DACH1: variants seen among roughly 807,000 people sequenced by gnomAD.
The protein encoded by DACH1 is dachshund family transcription factor 1.
In DACH1, 12 loss-of-function variants were observed where a neutral mutation model predicts 54.2. That is an observed-to-expected ratio of 0.22 (90% CI 0.14 to 0.36). DACH1 has a LOEUF of 0.36. Among genes scored for constraint, DACH1 ranks in the 10% least tolerant of loss-of-function variants. The pLI, the probability that DACH1 is intolerant of heterozygous loss-of-function variation, is 1.00. For missense variants in DACH1, 805 were observed against 929.8 expected, an observed-to-expected ratio of 0.87 and a Z score of 1.75; for synonymous variants, 386 against 366.2, an observed-to-expected ratio of 1.05 and a Z score of -0.62.
chr13:71,865,088 G>A (rs1197694604), intron 1 of DACH1, among the ~76,000 whole-genome samples: 1 of 152,082 alleles, frequency 6.6e-6, no homozygotes, highest in Non-Finnish European at 1.5e-5. Context: ...TCGGGCAATC[G>A]GTCACCTCCC....
At chr13:71,834,470 T>C (rs1470212344) in intron 1 of DACH1, among the ~76,000 whole-genome samples, 7 of 152,070 alleles carry the variant, frequency 4.6e-5, no homozygotes, top group African/African-American at 1.7e-4. Context: ...AGAGCTATTG[T>C]GCCCAAGAGC....
At chr13:71,855,526 G>A (rs1452530920) in intron 1 of DACH1, among the ~76,000 whole-genome samples, 1 of 151,988 alleles carries the variant, frequency 6.6e-6, no homozygotes, top group Non-Finnish European at 1.5e-5. Context: ...GTACAGAAAT[G>A]AAGCAAACTA....
chr13:71,698,717 G>A (rs1297740653), intron 1 of DACH1, among the ~76,000 whole-genome samples: 4 of 152,108 alleles, frequency 2.6e-5, no homozygotes, highest in Non-Finnish European at 5.9e-5. Flanking sequence ...CAACAGGTTA[G>A]ACAACAGTAT....
chr13:71,754,381 A>G (rs149820179), intron 1 of DACH1, among the ~76,000 whole-genome samples: 8 of 152,312 alleles, frequency 5.3e-5, no homozygotes, highest in Non-Finnish European at 1.0e-4. Context: ...ATGCTATGCA[A>G]TCAAGTATCT....
At chr13:71,440,834 C>T (rs1465398358) in intron 10 of DACH1, 142 bp from the exon 11 acceptor site, 1 of 619,590 alleles carries the variant, frequency 1.6e-6, no homozygotes, top group Non-Finnish European at 2.8e-6. Flanking sequence ...TTCATATCTT[C>T]TCAAAGTTAA....
chr13:71,549,968 T>C (rs1209962139), intron 6 of DACH1, among the ~76,000 whole-genome samples: 2 of 152,184 alleles, frequency 1.3e-5, no homozygotes, highest in Admixed American at 6.6e-5. Flanking sequence ...CATTGACATA[T>C]AAAATAGCTG....
intron 1 of DACH1, among the ~76,000 whole-genome samples, chr13:71,757,671 C>T (rs1885226201): frequency 6.6e-6 from 1 of 151,840 alleles, no homozygotes; most frequent in African/African-American, 2.4e-5. Context: ...TTACAGGCAC[C>T]CGCCATTATG....
chr13:71,637,927 C>T (rs1010102021), intron 2 of DACH1, among the ~76,000 whole-genome samples: 1 of 152,096 alleles, frequency 6.6e-6, no homozygotes, highest in Non-Finnish European at 1.5e-5. Context: ...ACTTGAAAGG[C>T]CCAATCTTTG....
At chr13:71,474,260 G>A (rs1877328769) in intron 10 of DACH1, among the ~76,000 whole-genome samples, 1 of 152,072 alleles carries the variant, frequency 6.6e-6, no homozygotes, top group African/African-American at 2.4e-5. Context: ...ACTAAGCCAA[G>A]AATGACATAT....
chr13:71,737,493 T>C (rs1479955537), intron 1 of DACH1, among the ~76,000 whole-genome samples: 1 of 152,186 alleles, frequency 6.6e-6, no homozygotes, highest in Non-Finnish European at 1.5e-5. Flanking sequence ...GTTTAGTTGA[T>C]GAAGGCATCT....
chr13:71,630,173 G>C (rs1876983209), intron 3 of DACH1, among the ~76,000 whole-genome samples: 1 of 152,062 alleles, frequency 6.6e-6, no homozygotes, highest in Non-Finnish European at 1.5e-5. Flanking sequence ...TTTCTTACTT[G>C]ATAACAAATG....
At chr13:71,803,291 A>T (rs998912319) in intron 1 of DACH1, among the ~76,000 whole-genome samples, 3 of 152,232 alleles carry the variant, frequency 2.0e-5, no homozygotes, top group East Asian at 1.9e-4. Context: ...ACACAACTAG[A>T]TTCTTAACAA....
intron 1 of DACH1, among the ~76,000 whole-genome samples, chr13:71,864,750 C>A (rs1004196424): frequency 1.3e-5 from 2 of 149,988 alleles, no homozygotes; most frequent in African/African-American, 4.9e-5. Flanking sequence ...CCACTCCCGC[C>A]CCCTCTTGGT....
At chr13:71,623,887 T>C (rs1046560354) in intron 3 of DACH1, among the ~76,000 whole-genome samples, 11 of 151,894 alleles carry the variant, frequency 7.2e-5, no homozygotes, top group Non-Finnish European at 1.6e-4. Flanking sequence ...CAATAACATA[T>C]TCACATTTTA....
At chr13:71,638,617 T>C (rs1237004123) in intron 2 of DACH1, among the ~76,000 whole-genome samples, 1 of 152,146 alleles carries the variant, frequency 6.6e-6, no homozygotes, top group Non-Finnish European at 1.5e-5. Flanking sequence ...ATGAAACCTA[T>C]TGTTTACTTC....
chr13:71,448,676 A>G (rs1874696784), intron 10 of DACH1, among the ~76,000 whole-genome samples: 1 of 152,258 alleles, frequency 6.6e-6, no homozygotes, highest in African/African-American at 2.4e-5. Context: ...CATTTATAAG[A>G]GGATACTGAA....
At chr13:71,524,906 C>T (rs1351339670) in intron 6 of DACH1, among the ~76,000 whole-genome samples, 1 of 152,062 alleles carries the variant, frequency 6.6e-6, no homozygotes, top group African/African-American at 2.4e-5. Context: ...GTTTCCTAAA[C>T]GCTTTTGAAA....
intron 10 of DACH1, among the ~76,000 whole-genome samples, chr13:71,469,190 C>G (rs975916250): frequency 1.3e-5 from 2 of 152,124 alleles, no homozygotes; most frequent in Non-Finnish European, 2.9e-5. Context: ...CTTAGGTGAT[C>G]TTGCCTTTAA....
intron 6 of DACH1, among the ~76,000 whole-genome samples, chr13:71,550,220 G>A (rs1038093762): frequency 6.6e-6 from 1 of 152,112 alleles, no homozygotes; most frequent in African/African-American, 2.4e-5. Flanking sequence ...TAACTTGATA[G>A]TAGTAATGGT....
Sources: allele counts gnomAD v4.1 joint callset (sites outside exome capture counted in the v4.1 genomes callset), GRCh38; gene constraint gnomAD v4.1.1; transcripts MANE v1.5; gene names NCBI Gene and HGNC (gene_info 2026-07-23, HGNC 2026-07-21).